PDE8B: variants seen among roughly 807,000 people sequenced by gnomAD.
PDE8B encodes phosphodiesterase 8B.
Under a neutral mutation model 101.3 loss-of-function variants are expected in PDE8B, and 26 were observed. That is an observed-to-expected ratio of 0.26 (90% confidence interval 0.19 to 0.36). The LOEUF (loss-of-function observed/expected upper bound fraction) is 0.36, where lower values mean the gene tolerates loss of function less well. Among genes scored for constraint, PDE8B ranks in the 10% least tolerant of loss-of-function variants. The pLI, the probability that PDE8B is intolerant of heterozygous loss-of-function variation, is 1.00. For missense variants in PDE8B, 810 were observed against 1,163.1 expected, an observed-to-expected ratio of 0.70 and a Z score of 4.42; for synonymous variants, 424 against 429.3, an observed-to-expected ratio of 0.99 and a Z score of 0.15.
chr5:77,392,465 A>T (rs1207160773), intron 10 of PDE8B, among the ~76,000 whole-genome samples: 1 of 152,204 alleles, frequency 6.6e-6, no homozygotes, highest in Non-Finnish European at 1.5e-5. Flanking sequence ...CCATACAGAA[A>T]GGGTGATTCA....
chr5:77,243,651 A>G (rs368649747), intron 1 of PDE8B, among the ~76,000 whole-genome samples: 1 of 152,220 alleles, frequency 6.6e-6, no homozygotes, highest in Admixed American at 6.5e-5. Flanking sequence ...TTCAAGGCTC[A>G]TTCATGTTGT....
rs1414036324 is a variant in PDE8B at position 77,402,085 on chromosome 5, CTTA to C, written c.1210+1799_1210+1801del. Among the ~76,000 whole-genome samples the C allele has an allele frequency of 9.2e-5, 14 of 152,244 alleles. 1 individual carries two copies. The highest frequency in any genetic ancestry group is 3.4e-4 in the African/African-American group (14 of 41,558). On this transcript the variant is annotated intron_variant, in intron 11 of 21. Coordinates refer to ENST00000264917, the MANE Select transcript of PDE8B (RefSeq NM_003719.5). ...TCTTAAATTTTTAAGTTAGATTTAA[CTTA>C]TTACTTGGTACACAAATAAATGCTA... is the stretch of plus-strand genomic sequence containing the variant.
the PDE8B span, among the ~76,000 whole-genome samples, chr5:77,107,345 T>C: frequency 6.6e-6 from 1 of 152,252 alleles, no homozygotes; most frequent in Non-Finnish European, 1.5e-5. Flanking sequence ...AGTAATATAA[T>C]TGAGTTTATA....
the PDE8B span, among the ~76,000 whole-genome samples, chr5:77,125,285 C>T: frequency 6.6e-6 from 1 of 152,148 alleles, no homozygotes; most frequent in African/African-American, 2.4e-5. Flanking sequence ...TACCACGCCC[C>T]ACTGTTTTCT....
At chr5:77,125,497 A>G in the PDE8B span, among the ~76,000 whole-genome samples, 277 of 152,358 alleles carry the variant, frequency 1.8e-3, no homozygotes, top group Non-Finnish European at 2.9e-3. Flanking sequence ...AGAGACTCAA[A>G]TAGATACTTG....
At chr5:77,202,767 G>T in the PDE8B span, among the ~76,000 whole-genome samples, 2 of 152,070 alleles carry the variant, frequency 1.3e-5, no homozygotes, top group Non-Finnish European at 1.5e-5. Context: ...CTACAGGGGT[G>T]TGCCACCATG....
intron 15 of PDE8B, 132 bp downstream of exon 15, chr5:77,411,853 C>T: frequency 2.6e-6 from 2 of 781,208 alleles, no homozygotes; most frequent in South Asian, 1.5e-5. Context: ...ATATGGTCTA[C>T]ATTTAAAACT....
the PDE8B span, among the ~76,000 whole-genome samples, chr5:77,194,807 G>A: frequency 6.6e-6 from 1 of 152,090 alleles, no homozygotes; most frequent in African/African-American, 2.4e-5. Flanking sequence ...TCCATTGTAT[G>A]GATATACCAC....
chr5:77,162,394 G>C, the PDE8B span, among the ~76,000 whole-genome samples: 3 of 152,062 alleles, frequency 2.0e-5, no homozygotes, highest in Non-Finnish European at 4.4e-5. Flanking sequence ...ACCTCTACAG[G>C]CTGTTTTGTA....
intron 1 of PDE8B, among the ~76,000 whole-genome samples, chr5:77,307,601 GT>G (rs373601063): frequency 2.3e-4 from 34 of 148,916 alleles, no homozygotes; most frequent in Admixed American, 1.5e-3. Context: ...TAGTACTTGT[GT>G]TTTTTTTTTC....
intron 6 of PDE8B, 49 bp from the exon 7 acceptor site, chr5:77,344,804 G>A (rs1199370805): frequency 8.7e-7 from 1 of 1,155,254 alleles, no homozygotes. Context: ...CAGATGAAAT[G>A]TGAATGGTTT....
chr5:77,234,059 A>G (rs1004714492), intron 1 of PDE8B, among the ~76,000 whole-genome samples: 2 of 152,108 alleles, frequency 1.3e-5, no homozygotes, highest in Non-Finnish European at 2.9e-5. Context: ...AGAGCTTGCA[A>G]CCTGTCCAGA....
intron 1 of PDE8B, among the ~76,000 whole-genome samples, chr5:77,283,621 GTAATATGCGTT>G (rs1266520438): frequency 6.6e-6 from 1 of 152,120 alleles, no homozygotes; most frequent in Non-Finnish European, 1.5e-5. Flanking sequence ...CTTTCACTTA[GTAATATGCGTT>G]TAAGGTTCCT....
At chr5:77,410,594 A>G (rs937906948) in intron 14 of PDE8B, 1 of 152,122 alleles carries the variant, frequency 6.6e-6, no homozygotes, top group Non-Finnish European at 1.5e-5. Flanking sequence ...CCTCAATTTT[A>G]TGTGGTTTTG....
chr5:77,105,126 T>C, the PDE8B span: 2 of 152,264 alleles, frequency 1.3e-5, no homozygotes, highest in African/African-American at 4.8e-5. Flanking sequence ...TTCTTCCTTT[T>C]CCTTGCTAAG....
At chr5:77,303,748 G>A (rs1013954921) in intron 1 of PDE8B, among the ~76,000 whole-genome samples, 3 of 152,098 alleles carry the variant, frequency 2.0e-5, no homozygotes, top group African/African-American at 7.2e-5. Flanking sequence ...ATTCAGTATT[G>A]TTTTAAGTAT....
chr5:77,321,142 A>ATTTTTTTT (rs10538529), intron 2 of PDE8B, among the ~76,000 whole-genome samples: 16 of 76,428 alleles, frequency 2.1e-4, no homozygotes, highest in South Asian at 4.9e-4. Context: ...CAGTATCTCT[A>ATTTTTTTT]TTTTTTTTTT....
At chr5:77,391,302 A>G (rs558459610) in intron 10 of PDE8B, among the ~76,000 whole-genome samples, 2 of 152,214 alleles carry the variant, frequency 1.3e-5, no homozygotes, top group East Asian at 3.9e-4. Flanking sequence ...GTGACAGGGG[A>G]AGGTCTGCTG....
chr5:77,394,571 A>G (rs1015789242), intron 10 of PDE8B, among the ~76,000 whole-genome samples: 13 of 152,170 alleles, frequency 8.5e-5, no homozygotes, highest in Non-Finnish European at 1.6e-4. Flanking sequence ...TCTTATTCCC[A>G]TTTAGCATAT....
Sources: allele counts gnomAD v4.1 joint callset (sites outside exome capture counted in the v4.1 genomes callset), GRCh38; gene constraint gnomAD v4.1.1; transcripts MANE v1.5; gene names NCBI Gene and HGNC (gene_info 2026-07-23, HGNC 2026-07-21).